Variants in UGT3A1 observed in about 807,000 individuals in gnomAD.
UGT3A1 encodes the protein UDP glycosyltransferase family 3 member A1.
Under a neutral mutation model 37.6 loss-of-function variants are expected in UGT3A1, and 40 were observed. The observed-to-expected ratio is 1.06, with a 90% CI of 0.83 to 1.38. The LOEUF is 1.38. Ranked by LOEUF, UGT3A1 falls within the 40% of genes most tolerant of loss-of-function variation. UGT3A1 has a pLI of 0.00. For synonymous variants in UGT3A1, 256 were observed against 232.3 expected, an observed-to-expected ratio of 1.10 and a Z score of -0.93; for missense variants, 642 against 634.2, an observed-to-expected ratio of 1.01 and a Z score of -0.13.
At chr5:35,962,551 C>A (rs80125646) in intron 4 of UGT3A1, 29,459 of 202,038 alleles carry the variant, frequency 0.15, 2,798 homozygotes, top group East Asian at 0.29. Context: ...TTGCCCTTTG[C>A]AGCCTCTCCT....
At chr5:35,992,873 C>A (rs1051327401), upstream of UGT3A1, among the ~76,000 whole-genome samples, 3 of 152,068 alleles carry the variant, frequency 2.0e-5, no homozygotes, top group African/African-American at 7.2e-5. Context: ...AGGGAAAAGT[C>A]AAGCTTGGAA....
At chr5:35,981,935 AC>A (rs2149983924) in intron 2 of UGT3A1, among the ~76,000 whole-genome samples, 1 of 152,322 alleles carries the variant, frequency 6.6e-6, no homozygotes, top group East Asian at 1.9e-4. Flanking sequence ...GGGGCATGGC[AC>A]CCCTAGCTGT....
Position 35,954,373 on chromosome 5 carries a change from T to TC in UGT3A1, c.1400dup (p.Ala468SerfsTer15). On this transcript the variant is annotated frameshift_variant, in exon 7 of 7. Coordinates refer to ENST00000274278, the MANE Select transcript of UGT3A1 (RefSeq NM_152404.4). LOFTEE classifies it low-confidence loss of function (END_TRUNC). ...AGGCATAGGGCTTGAGGTGCGTCGC[T>TC]CCCCCAGTCTGGAGGATGTGGTCGA... is the stretch of plus-strand genomic sequence containing the variant. The TC allele has an allele frequency of 6.2e-7, 1 of 1,614,012 alleles. No homozygotes were observed. The highest frequency in any genetic ancestry group is 8.5e-7 in the Non-Finnish European group (1 of 1,180,012).
chr5:35,980,217 G>A (rs1257837894), intron 2 of UGT3A1, among the ~76,000 whole-genome samples: 1 of 152,138 alleles, frequency 6.6e-6, no homozygotes, highest in Non-Finnish European at 1.5e-5. Context: ...GGAAGTAATA[G>A]AGCAGATTTA....
chr5:35,995,446 G>A (rs1024809950), upstream of UGT3A1, among the ~76,000 whole-genome samples: 1 of 152,152 alleles, frequency 6.6e-6, no homozygotes, highest in African/African-American at 2.4e-5. Flanking sequence ...TGAATTACGA[G>A]GCATAGTTAA....
At chr5:35,974,947 G>T (rs192375770) in intron 2 of UGT3A1, among the ~76,000 whole-genome samples, 43 of 152,310 alleles carry the variant, frequency 2.8e-4, no homozygotes, top group Non-Finnish European at 4.4e-5. Flanking sequence ...TCATGGACTT[G>T]CAAGGAACAT....
intron 4 of UGT3A1, among the ~76,000 whole-genome samples, chr5:35,958,420 G>A (rs1241448094): frequency 2.0e-5 from 3 of 152,166 alleles, no homozygotes; most frequent in African/African-American, 7.2e-5. Context: ...GGGTCATTGT[G>A]TAGGATAACT....
chr5:35,956,468 C>A (rs1221546343), intron 5 of UGT3A1, among the ~76,000 whole-genome samples: 1 of 152,070 alleles, frequency 6.6e-6, no homozygotes, highest in Non-Finnish European at 1.5e-5. Flanking sequence ...TATACAGAAA[C>A]CTGTATCTTA....
At position 35,973,123 on chromosome 5, in the gene UGT3A1, A is replaced by C. The variant is rs75565194; in HGVS notation, c.197-4990T>G. Among the ~76,000 whole-genome samples, 1,415 of 152,288 alleles carry C rather than the reference A, an allele frequency of 9.3e-3. 21 individuals are homozygous for C. Among genetic ancestry groups the C allele is most frequent in the African/African-American group, 0.032 (1,348 of 41,550 alleles). On this transcript the variant is annotated intron_variant, in intron 2 of 6. Coordinates refer to ENST00000274278, the MANE Select transcript of UGT3A1 (RefSeq NM_152404.4). ...TAACTTCTGTTGAATCTTCTTTATC[A>C]GTAGAAGCAACTTTTCTACACCCAT... is the stretch of plus-strand genomic sequence containing the variant.
At chr5:35,956,001 C>A in intron 5 of UGT3A1, 137 bp from the exon 6 acceptor site, 7 of 893,140 alleles carry the variant, frequency 7.8e-6, no homozygotes, top group Non-Finnish European at 8.5e-6. Context: ...TTGCTTGGGA[C>A]ACACAAGTGT....
chr5:35,989,858 G>A (rs1165869407), intron 1 of UGT3A1, among the ~76,000 whole-genome samples: 1 of 152,124 alleles, frequency 6.6e-6, no homozygotes, highest in Non-Finnish European at 1.5e-5. Context: ...ATTGAGGCGG[G>A]CGGATCACGA....
intron 2 of UGT3A1, among the ~76,000 whole-genome samples, chr5:35,969,302 G>A (rs1739941138): frequency 6.6e-6 from 1 of 152,136 alleles, no homozygotes; most frequent in South Asian, 2.1e-4. Flanking sequence ...CAGATGAACA[G>A]AATTATTAGG....
intron 2 of UGT3A1, among the ~76,000 whole-genome samples, chr5:35,984,055 A>C (rs1740634466): frequency 6.6e-6 from 1 of 152,182 alleles, no homozygotes; most frequent in Admixed American, 6.5e-5. Flanking sequence ...CTGGACAGAG[A>C]AGTTAGGCAA....
intron 4 of UGT3A1, among the ~76,000 whole-genome samples, chr5:35,959,001 G>T (rs1207455549): frequency 6.6e-6 from 1 of 152,194 alleles, no homozygotes; most frequent in Non-Finnish European, 1.5e-5. Context: ...GAAGGCTTGG[G>T]TCAAGAAGTT....
intron 2 of UGT3A1, among the ~76,000 whole-genome samples, chr5:35,987,515 A>G (rs1378596980): frequency 6.6e-6 from 1 of 152,204 alleles, no homozygotes; most frequent in Non-Finnish European, 1.5e-5. Flanking sequence ...AGATGACCAT[A>G]TATTACTGCT....
intron 2 of UGT3A1, among the ~76,000 whole-genome samples, chr5:35,970,206 C>A (rs771164665): frequency 6.6e-6 from 1 of 151,950 alleles, no homozygotes; most frequent in African/African-American, 2.4e-5. Context: ...CTGGCTAATA[C>A]GGTGAAACCC....
chr5:35,956,697 T>C (rs913610083), intron 5 of UGT3A1, among the ~76,000 whole-genome samples: 2 of 152,208 alleles, frequency 1.3e-5, no homozygotes, highest in Non-Finnish European at 2.9e-5. Flanking sequence ...GCATCAATGT[T>C]GTGAATGTAT....
At chr5:35,996,934 T>C (rs189361334) in intron 2 of UGT3A1, among the ~76,000 whole-genome samples, 5 of 152,244 alleles carry the variant, frequency 3.3e-5, no homozygotes, top group Admixed American at 2.6e-4. Context: ...CAAATACAGA[T>C]ATAGGGAATA....
chr5:35,954,268 A>G lies in UGT3A1; in HGVS notation c.1506T>C (p.Leu502=). The change falls in exon 7 of 7, where the codon CTT becomes CTC. Residue 502 remains leucine (L), a synonymous_variant. Transcript: ENST00000274278. ...CCACCACACCCAGCAGCTTCCCACA[A>G]AGCCACATAGTGCCCAGAGTGAGCC... The part of the protein sequence containing the change: ...LLGLTLGTMW[L]CGKLLGVVAR... 1 of 1,614,136 alleles carries G rather than the reference A, an allele frequency of 6.2e-7. No individual in the cohort carries two copies. Among genetic ancestry groups the G allele is most frequent in the Non-Finnish European group, 8.5e-7 (1 of 1,180,012 alleles).
Sources: allele counts gnomAD v4.1 joint callset (sites outside exome capture counted in the v4.1 genomes callset), GRCh38; gene constraint gnomAD v4.1.1; transcripts MANE v1.5; gene names NCBI Gene and HGNC (gene_info 2026-07-23, HGNC 2026-07-21).